SRC: variants seen among roughly 807,000 people sequenced by gnomAD.
SRC encodes proto-oncogene tyrosine-protein kinase Src.
In SRC, 13 loss-of-function variants were observed where a neutral mutation model predicts 62.9. The observed-to-expected ratio is 0.21, with a 90% CI of 0.13 to 0.33. The LOEUF (loss-of-function observed/expected upper bound fraction) is 0.33. Ranked by LOEUF, SRC falls within the 10% of genes least tolerant of loss-of-function variation. The pLI, the probability that SRC is intolerant of heterozygous loss-of-function variation, is 1.00. For missense variants in SRC, 457 were observed against 737.3 expected (o/e 0.62, Z 4.40); for synonymous variants, 302 against 317.5 (o/e 0.95, Z 0.52).
chr20:37,354,317 T>A (rs1258782399), intron 1 of SRC, among the ~76,000 whole-genome samples: 1 of 152,098 alleles, frequency 6.6e-6, no homozygotes, highest in Non-Finnish European at 1.5e-5. Context: ...GTCAGTTGCT[T>A]CCCCTCGCTG....
intron 5 of SRC, 57 bp downstream of exon 5, chr20:37,386,231 G>T: frequency 6.6e-7 from 1 of 1,511,720 alleles, no homozygotes; most frequent in Non-Finnish European, 9.2e-7. Flanking sequence ...TTCAAAGCGG[G>T]CAGGGGCTCA....
chr20:37,360,283 G>A (rs955293352), intron 1 of SRC, among the ~76,000 whole-genome samples: 2 of 142,856 alleles, frequency 1.4e-5, no homozygotes, highest in Non-Finnish European at 3.0e-5. Context: ...GAGTGCAGTG[G>A]TGCAATTACA....
chr20:37,386,392 T>A (rs2070456136), intron 5 of SRC: 1 of 718,926 alleles, frequency 1.4e-6, no homozygotes, highest in Non-Finnish European at 2.6e-6. Context: ...AATCCCTGGC[T>A]CTCGCTTGCT....
intron 2 of SRC, among the ~76,000 whole-genome samples, chr20:37,367,698 G>A (rs2070085975): frequency 2.0e-5 from 3 of 151,572 alleles, no homozygotes; most frequent in African/African-American, 7.3e-5. Context: ...CCAGGCTGGA[G>A]AGCAATGCTG....
At position 37,397,361 on chromosome 20, in the gene SRC, T is replaced by G. The variant is rs2070668801; in HGVS notation, c.704-338T>G. ...AGCTCTCCAGTCACATTCACATCTG[T>G]GGTCCTGGGAGGTGATTAGGGAAGT... On this transcript the variant is annotated intron_variant, in intron 8 of 13. Transcript: ENST00000373578. This position sits in a 1 kb window ranked among gnomAD's most constrained non-coding sequence, Gnocchi z 4.1. Among the ~76,000 whole-genome samples, 3 of 152,218 alleles carry G rather than the reference T, an allele frequency of 2.0e-5. No homozygotes were observed. The South Asian group carries it at 6.2e-4, about 32-fold the overall frequency.
At chr20:37,385,074 C>A (rs1223025717) in intron 4 of SRC, among the ~76,000 whole-genome samples, 1 of 152,224 alleles carries the variant, frequency 6.6e-6, no homozygotes, top group African/African-American at 2.4e-5. Flanking sequence ...CAGACACATC[C>A]CCAACGCAGA....
At position 37,402,941 on chromosome 20, in the gene SRC, G is replaced by A. The variant is rs2147127137; in HGVS notation, c.1402+61G>A. 6.4e-7 allele frequency: 1 copy of A among 1,564,678 alleles called. No individual in the cohort carries two copies. The highest frequency in any genetic ancestry group is 1.9e-5 in the Admixed American group (1 of 52,332). ...AATCCCTCTGCCCTGGTGGCCTTGGGCAAGTCATGACTCCTGCTGGGCCTG... is the reference window on the plus strand; with the variant it reads ...AATCCCTCTGCCCTGGTGGCCTTGGACAAGTCATGACTCCTGCTGGGCCTG... On this transcript the variant is annotated intron_variant, in intron 13 of 13. Transcript: ENST00000373578. The surrounding 1 kb of genome is among the most constrained non-coding windows in gnomAD (Gnocchi z 6.2).
intron 2 of SRC, among the ~76,000 whole-genome samples, chr20:37,373,141 T>C: frequency 7.4e-6 from 1 of 135,150 alleles, no homozygotes; most frequent in African/African-American, 3.4e-5. Context: ...TATACACATA[T>C]GTACATATAC....
Position 37,403,417 on chromosome 20 carries a change from C to T in SRC, c.*38C>T, listed in dbSNP as rs1443325121. 6.5e-7 allele frequency: 1 copy of T among 1,532,576 alleles called. No individual in the cohort carries two copies. The highest frequency in any genetic ancestry group is 2.4e-5 in the East Asian group (1 of 41,292). The allele number at this position is 1,532,576 out of a possible 1,614,324, so 94.9% of individuals were successfully genotyped here. ...CCAGACCGGCTTCTCGGCTTGGATC[C>T]TGGGCTGGGTGGCCCCTGTCTCGGG... On this transcript the variant is annotated 3_prime_UTR_variant, in exon 14 of 14. Coordinates refer to ENST00000373578, the MANE Select transcript of SRC (RefSeq NM_198291.3). This position sits in a 1 kb window ranked among gnomAD's most constrained non-coding sequence, Gnocchi z 7.1.
At chr20:37,372,922 T>C (rs2070189518) in intron 2 of SRC, among the ~76,000 whole-genome samples, 1 of 152,172 alleles carries the variant, frequency 6.6e-6, no homozygotes, top group African/African-American at 2.4e-5. Flanking sequence ...GATTGATTTA[T>C]CATTTAAAAA....
intron 2 of SRC, among the ~76,000 whole-genome samples, chr20:37,372,279 C>T (rs2070178736): frequency 1.3e-5 from 2 of 152,212 alleles, no homozygotes; most frequent in Admixed American, 1.3e-4. Context: ...TGAGCCACCA[C>T]ATCTAGACGG....
chr20:37,396,356 GC>G lies in SRC; in HGVS notation c.703+46del. 6.2e-7 allele frequency: 1 copy of G among 1,605,898 alleles called. No homozygotes were observed. The highest frequency in any genetic ancestry group is 8.5e-7 in the Non-Finnish European group (1 of 1,178,296). ...CGGAGGGCGGGCGGGCAAAGCCTCA[GC>G]TGCAGACTCTGGGGAGGGGCCTTGG... On this transcript the variant is annotated intron_variant, in intron 8 of 13. Transcript: ENST00000373578. The surrounding 1 kb of genome is among the most constrained non-coding windows in gnomAD (Gnocchi z 6.1).
In SRC at chr20:37,396,495, C is replaced by T. The variant is rs2070653679; in HGVS notation, c.703+184C>T. On this transcript the variant is annotated intron_variant, in intron 8 of 13. Transcript: ENST00000373578. The surrounding 1 kb of genome is among the most constrained non-coding windows in gnomAD (Gnocchi z 6.1). ...CTTTCCTTGTCTCCTTCTTCTTCCT[C>T]TTCTTTCCCCCAGCCCCCCTCCTCC... The T allele has an allele frequency of 1.4e-6, 1 of 739,248 alleles. No homozygotes were observed. The highest frequency in any genetic ancestry group is 2.2e-6 in the Non-Finnish European group (1 of 462,882). The allele number at this position is 739,248 out of a possible 1,614,324, so 45.8% of individuals were successfully genotyped here. A position where few individuals can be genotyped will look rare whatever the true frequency, so the allele number is the denominator to read the frequency against.
chr20:37,402,672 C>T lies in SRC; in HGVS notation c.1271-77C>T. On this transcript the variant is annotated intron_variant, in intron 12 of 13. Transcript: ENST00000373578. This position sits in a 1 kb window ranked among gnomAD's most constrained non-coding sequence, Gnocchi z 6.2. ...GAGCCCCAGTTTTTTCCTCAGCTGT[C>T]ATTCCTCATGGTGCTTATCTAGCAG... is the stretch of plus-strand genomic sequence containing the variant. 6.4e-7 allele frequency: 1 copy of T among 1,571,192 alleles called. No individual in the cohort carries two copies.
intron 1 of SRC, among the ~76,000 whole-genome samples, chr20:37,347,679 A>T (rs1225630953): frequency 6.6e-6 from 1 of 152,198 alleles, no homozygotes; most frequent in East Asian, 1.9e-4. Context: ...GTTTTGCCAC[A>T]TATAAAACTG....
At chr20:37,360,946 G>T (rs1440110884) in intron 1 of SRC, among the ~76,000 whole-genome samples, 1 of 152,202 alleles carries the variant, frequency 6.6e-6, no homozygotes, top group African/African-American at 2.4e-5. Flanking sequence ...GCCAGAGCTA[G>T]GTTTTGAATC....
chr20:37,368,073 G>C (rs1358040949), intron 2 of SRC, among the ~76,000 whole-genome samples: 2 of 152,124 alleles, frequency 1.3e-5, no homozygotes, highest in South Asian at 2.1e-4. Flanking sequence ...TTGTGATGAA[G>C]TGCAGTTTAT....
At chr20:37,399,520 G>A (rs933821091) in intron 9 of SRC, among the ~76,000 whole-genome samples, 3 of 151,554 alleles carry the variant, frequency 2.0e-5, no homozygotes, top group Non-Finnish European at 2.9e-5. Context: ...TCCCCTATCT[G>A]TCTAGGCTAA....
chr20:37,362,489 A>G (rs2069989984), intron 1 of SRC, among the ~76,000 whole-genome samples: 1 of 152,084 alleles, frequency 6.6e-6, no homozygotes, highest in African/African-American at 2.4e-5. Context: ...TGGTGCCCCA[A>G]GAATCTTATC....
Sources: gnomAD v4.1 joint callset for allele counts (sites outside exome capture counted in the v4.1 genomes callset) on GRCh38, gnomAD v4.1.1 for gene constraint, Gnocchi (gnomAD v3.1) non-coding constraint, MANE v1.5 for transcripts, NCBI Gene and HGNC (gene_info 2026-07-23, HGNC 2026-07-21) for gene names.